The following WDR17 variants were observed in gnomAD, a reference collection of about 807,000 sequenced individuals.
WDR17 encodes WD repeat domain 17.
WDR17 carries 143 observed loss-of-function variants against 161.7 expected under a neutral mutation model. The observed-to-expected ratio is 0.88, with a 90% CI of 0.77 to 1.02. WDR17 has a LOEUF of 1.02. Ranked by LOEUF, WDR17 falls within the 50% of genes least tolerant of loss-of-function variation. The pLI is 0.00. For synonymous variants in WDR17, 517 were observed against 515.6 expected (o/e 1.00, Z -0.04); for missense variants, 1,469 against 1,520.9 (o/e 0.97, Z 0.57).
intron 26 of WDR17, 109 bp from the exon 27 acceptor site, chr4:176,176,949 T>C (rs1284044906): frequency 5.6e-6 from 4 of 708,446 alleles, no homozygotes; most frequent in Non-Finnish European, 9.8e-6. Flanking sequence ...TAACGTATAA[T>C]GTCTGTATAC....
chr4:176,087,881 T>A (rs1475363050), intron 1 of WDR17, among the ~76,000 whole-genome samples: 1 of 152,058 alleles, frequency 6.6e-6, no homozygotes, highest in Non-Finnish European at 1.5e-5. Flanking sequence ...AGAATCTGTG[T>A]CACCCAGGCT....
chr4:176,090,701 A>C (rs1261044220), intron 1 of WDR17, among the ~76,000 whole-genome samples: 1 of 152,158 alleles, frequency 6.6e-6, no homozygotes, highest in East Asian at 1.9e-4. Context: ...TTAAAGACAC[A>C]CACAGAAATA....
chr4:176,085,418 G>T (rs753277032), intron 1 of WDR17, among the ~76,000 whole-genome samples: 7 of 151,936 alleles, frequency 4.6e-5, no homozygotes, highest in Admixed American at 4.6e-4. Flanking sequence ...TAAAGAATTC[G>T]CCAGTGAAAC....
At chr4:176,070,330 A>G (rs950773914) in intron 1 of WDR17, among the ~76,000 whole-genome samples, 1 of 152,158 alleles carries the variant, frequency 6.6e-6, no homozygotes, top group Non-Finnish European at 1.5e-5. Context: ...TGACTTAGGC[A>G]GACTAATATG....
At chr4:176,152,595 C>CAAAAAAAA (rs34451055) in intron 17 of WDR17, among the ~76,000 whole-genome samples, 1 of 37,238 alleles carries the variant, frequency 2.7e-5, no homozygotes, top group Non-Finnish European at 4.4e-5. Flanking sequence ...AACTCCATCT[C>CAAAAAAAA]AAAAAAAAAA....
intron 4 of WDR17, among the ~76,000 whole-genome samples, chr4:176,123,237 G>GA (rs1053149346): frequency 3.3e-5 from 5 of 152,058 alleles, no homozygotes; most frequent in African/African-American, 9.7e-5. Flanking sequence ...TTACTTAGTG[G>GA]AAAAAACAGA....
chr4:176,106,164 C>T (rs982040204), intron 1 of WDR17, among the ~76,000 whole-genome samples: 1 of 151,928 alleles, frequency 6.6e-6, no homozygotes, highest in Non-Finnish European at 1.5e-5. Context: ...CTGGGGGACT[C>T]GCATTTTCTG....
chr4:176,162,276 T>C, intron 21 of WDR17, 102 bp downstream of exon 21: 1 of 1,010,226 alleles, frequency 9.9e-7, no homozygotes, highest in South Asian at 1.6e-5. Context: ...AGATCTGGTT[T>C]TGCATGTCTT....
In WDR17 at chr4:176,072,536, T is replaced by C. The variant is rs547984487; in HGVS notation, c.-7+6457T>C. ...CCTATTTATTCTTGATAATGTATGT[T>C]GCTATCTATCACAATGAGAATAATG... On this transcript the variant is annotated intron_variant, in intron 1 of 28. Coordinates refer to ENST00000508596, the MANE Select transcript of WDR17 (RefSeq NM_181265.4). Among the ~76,000 whole-genome samples, 32 of 152,346 alleles carry C rather than the reference T, an allele frequency of 2.1e-4. No homozygotes were observed. In the South Asian group the frequency reaches 6.6e-3, roughly 32 times the overall value.
chr4:176,107,114 G>GA (rs1738875396), intron 1 of WDR17, among the ~76,000 whole-genome samples: 1 of 151,992 alleles, frequency 6.6e-6, no homozygotes. Flanking sequence ...TTACCTGATT[G>GA]AAAAATGGAC....
At chr4:176,098,444 A>T (rs866780541) in intron 1 of WDR17, among the ~76,000 whole-genome samples, 3 of 152,128 alleles carry the variant, frequency 2.0e-5, no homozygotes, top group Non-Finnish European at 4.4e-5. Flanking sequence ...CTTTACCTTT[A>T]TATGTGACAT....
At chr4:176,150,255 C>T in intron 15 of WDR17, 82 bp downstream of exon 15, 1 of 1,557,426 alleles carries the variant, frequency 6.4e-7, no homozygotes. Flanking sequence ...CACATATTTA[C>T]ATGTACCATT....
In WDR17 at chr4:176,163,225, GTC is replaced by G; in HGVS notation, c.2924_2925del (p.Ser975CysfsTer27). 6.2e-7 allele frequency: 1 copy of G among 1,613,252 alleles called. No homozygotes were observed. Among genetic ancestry groups the G allele is most frequent in the Non-Finnish European group, 8.5e-7 (1 of 1,179,660 alleles). ...TCTGTGTGGGCACAGTACTAGGAGA[GTC>G]TGCAGCACCAGCAACCCACTATGCC... is the stretch of plus-strand genomic sequence containing the variant. ...AVCVGTVLGE[S>X]AAPATHYALE... On this transcript the variant is annotated frameshift_variant, in exon 22 of 29. Coordinates refer to ENST00000508596, the MANE Select transcript of WDR17 (RefSeq NM_181265.4). LOFTEE classifies it high-confidence loss of function.
intron 16 of WDR17, among the ~76,000 whole-genome samples, chr4:176,151,488 T>G (rs1747105680): frequency 6.6e-6 from 1 of 152,212 alleles, no homozygotes; most frequent in South Asian, 2.1e-4. Context: ...GCTATATGCT[T>G]TTGAAGTATG....
intron 11 of WDR17, among the ~76,000 whole-genome samples, chr4:176,144,862 T>C (rs1237878302): frequency 2.0e-5 from 3 of 152,056 alleles, no homozygotes; most frequent in Non-Finnish European, 1.5e-5. Context: ...ATTTCTGACT[T>C]TATGTATCTG....
At chr4:176,165,081 C>G (rs1188177207) in intron 22 of WDR17, among the ~76,000 whole-genome samples, 1 of 150,962 alleles carries the variant, frequency 6.6e-6, no homozygotes, top group African/African-American at 2.4e-5. Context: ...AATCCCAGCA[C>G]TTTGTGAGGC....
intron 23 of WDR17, among the ~76,000 whole-genome samples, 163 bp downstream of exon 23, chr4:176,168,946 C>T (rs1750293966): frequency 6.6e-6 from 1 of 152,176 alleles, no homozygotes; most frequent in Non-Finnish European, 1.5e-5. Context: ...GTAACATTTA[C>T]TGAACTGCTA....
At chr4:176,103,665 T>C (rs144732008) in intron 1 of WDR17, among the ~76,000 whole-genome samples, 1,825 of 151,788 alleles carry the variant, frequency 0.012, 39 homozygotes, top group African/African-American at 0.042. Context: ...AAAGACATAT[T>C]TAAGAAGAAA....
intron 18 of WDR17, among the ~76,000 whole-genome samples, chr4:176,159,582 C>A (rs1748719893): frequency 6.6e-6 from 1 of 152,166 alleles, no homozygotes; most frequent in African/African-American, 2.4e-5. Flanking sequence ...CCTCTCTATT[C>A]ATTGTTATGC....
Sources: allele counts gnomAD v4.1 joint callset (sites outside exome capture counted in the v4.1 genomes callset), GRCh38; gene constraint gnomAD v4.1.1; transcripts MANE v1.5; gene names NCBI Gene and HGNC (gene_info 2026-07-23, HGNC 2026-07-21).